Variants in NRG1 observed in about 807,000 individuals in gnomAD.
NRG1 encodes the protein pro-neuregulin-1, membrane-bound isoform.
In NRG1, 18 loss-of-function variants were observed where a neutral mutation model predicts 63.8. That is an observed-to-expected ratio of 0.28 (90% confidence interval 0.19 to 0.42). The LOEUF is 0.42. Ranked by LOEUF, NRG1 falls within the 10% of genes least tolerant of loss-of-function variation. The probability of loss-of-function intolerance (pLI) is 1.00; values close to 1 mark genes in which losing one functional copy is unlikely to be tolerated. For missense variants in NRG1, 762 were observed against 814.7 expected (o/e 0.94, Z 0.79); for synonymous variants, 302 against 301.3 (o/e 1.00, Z -0.02).
At chr8:31,681,621 G>C (rs997077508) in intron 1 of NRG1, among the ~76,000 whole-genome samples, 2 of 151,464 alleles carry the variant, frequency 1.3e-5, no homozygotes. Flanking sequence ...ACAAGTTTAA[G>C]ATACCTTAAA....
intron 1 of NRG1, chr8:32,030,504 C>G (rs1323195314): frequency 1.3e-5 from 2 of 152,182 alleles, no homozygotes; most frequent in South Asian, 2.1e-4. Flanking sequence ...CTTTTCAACT[C>G]TATCCCTTTC....
chr8:32,217,186 C>T (rs1178224904), intron 1 of NRG1, among the ~76,000 whole-genome samples: 1 of 137,458 alleles, frequency 7.3e-6, no homozygotes, highest in Non-Finnish European at 1.5e-5. Flanking sequence ...GAAACCCCAG[C>T]CTGGGTAAGA....
chr8:32,053,670 T>C (rs1173233623), intron 1 of NRG1, among the ~76,000 whole-genome samples: 4 of 152,154 alleles, frequency 2.6e-5, no homozygotes, highest in African/African-American at 9.7e-5. Context: ...AAAGGTGAAT[T>C]GCAAAGGGCT....
At chr8:31,992,921 A>G (rs1048081594) in intron 1 of NRG1, among the ~76,000 whole-genome samples, 13 of 151,992 alleles carry the variant, frequency 8.6e-5, no homozygotes, top group Non-Finnish European at 1.8e-4. Context: ...AAAAAATAAT[A>G]ATAACAAGTT....
intron 1 of NRG1, among the ~76,000 whole-genome samples, chr8:31,922,076 T>G (rs1833966939): frequency 6.6e-6 from 1 of 152,226 alleles, no homozygotes; most frequent in African/African-American, 2.4e-5. Context: ...GGAATTTCAG[T>G]GCTGATTTTA....
At position 32,062,869 on chromosome 8, in the gene NRG1, G is replaced by A. The variant is rs1458338227; in HGVS notation, c.37+423438G>A. On this transcript the variant is annotated intron_variant, in intron 1 of 10. Coordinates refer to the NRG1 transcript ENST00000519301. ...ATGTATTCTCTTTTGGTAACCCACA[G>A]GGGTTGAAATTGCTCTAATTTTTGG... Among the ~76,000 whole-genome samples, 8 of 152,002 alleles carry A rather than the reference G, an allele frequency of 5.3e-5. 1 individual carries two copies. In the East Asian group the frequency reaches 1.5e-3, roughly 29 times the overall value.
chr8:32,325,904 G>A (rs1801940044), intron 1 of NRG1, among the ~76,000 whole-genome samples: 1 of 152,082 alleles, frequency 6.6e-6, no homozygotes. Context: ...TCGTAACTAG[G>A]GAGCTGAGCA....
chr8:31,756,767 T>C (rs1208927197), intron 1 of NRG1, among the ~76,000 whole-genome samples: 1 of 152,154 alleles, frequency 6.6e-6, no homozygotes, highest in African/African-American at 2.4e-5. Flanking sequence ...CTGGTGCCCA[T>C]ATATAGTTAA....
At chr8:31,935,700 G>C (rs934820846) in intron 1 of NRG1, among the ~76,000 whole-genome samples, 2 of 152,202 alleles carry the variant, frequency 1.3e-5, no homozygotes, top group African/African-American at 4.8e-5. Flanking sequence ...CTGTGACTCT[G>C]TCTCCAAGAA....
intron 1 of NRG1, among the ~76,000 whole-genome samples, chr8:31,752,285 G>A (rs1816555488): frequency 6.6e-6 from 1 of 152,194 alleles, no homozygotes; most frequent in East Asian, 1.9e-4. Context: ...TCAAAGACCA[G>A]CAAGAAGAAC....
At chr8:32,082,082 T>C (rs983432997) in intron 1 of NRG1, among the ~76,000 whole-genome samples, 15 of 152,046 alleles carry the variant, frequency 9.9e-5, no homozygotes, top group African/African-American at 3.6e-4. Flanking sequence ...CTAATTAAGA[T>C]CTTGTTGAAG....
intron 5 of NRG1, chr8:32,646,651 G>C: frequency 1.0e-6 from 1 of 978,446 alleles, no homozygotes; most frequent in Non-Finnish European, 1.2e-6. Flanking sequence ...AGCTGGCAAG[G>C]TGGGGGTGGA....
At chr8:32,408,470 A>G (rs1237183251) in intron 1 of NRG1, among the ~76,000 whole-genome samples, 1 of 152,122 alleles carries the variant, frequency 6.6e-6, no homozygotes, top group African/African-American at 2.4e-5. Context: ...TAGTGCCCTG[A>G]AGCTCTCTAG....
At chr8:32,255,482 T>C (rs1418251505) in intron 1 of NRG1, among the ~76,000 whole-genome samples, 1 of 152,214 alleles carries the variant, frequency 6.6e-6, no homozygotes, top group Non-Finnish European at 1.5e-5. Flanking sequence ...TAATTCTGGG[T>C]TGAAAATTCT....
chr8:31,763,346 T>G (rs1411486345), intron 1 of NRG1, among the ~76,000 whole-genome samples: 1 of 152,234 alleles, frequency 6.6e-6, no homozygotes, highest in Admixed American at 6.5e-5. Context: ...CTACATTTAG[T>G]TAGATGAAAA....
At chr8:32,654,030 A>G (rs188180726) in intron 5 of NRG1, among the ~76,000 whole-genome samples, 28 of 152,204 alleles carry the variant, frequency 1.8e-4, no homozygotes, top group East Asian at 1.2e-3. Flanking sequence ...TTATAATCAT[A>G]GAATTTTATA....
chr8:31,981,998 A>C (rs1370506602), intron 1 of NRG1, among the ~76,000 whole-genome samples: 1 of 151,918 alleles, frequency 6.6e-6, no homozygotes, highest in Non-Finnish European at 1.5e-5. Context: ...ATGGAACAAC[A>C]TGTATAAATA....
chr8:31,735,446 A>T (rs1033790123), intron 1 of NRG1, among the ~76,000 whole-genome samples: 6 of 152,132 alleles, frequency 3.9e-5, no homozygotes, highest in African/African-American at 1.4e-4. Flanking sequence ...AGTAATTTAA[A>T]TTTCTATTTT....
intron 1 of NRG1, among the ~76,000 whole-genome samples, chr8:32,464,416 C>T (rs1822798150): frequency 1.3e-5 from 2 of 151,824 alleles, no homozygotes; most frequent in Admixed American, 1.3e-4. Flanking sequence ...AGCACTCTTC[C>T]ACATAGTCAC....
Sources: gnomAD v4.1 joint callset for allele counts (sites outside exome capture counted in the v4.1 genomes callset) on GRCh38, gnomAD v4.1.1 for gene constraint, MANE v1.5 for transcripts, NCBI Gene and HGNC (gene_info 2026-07-23, HGNC 2026-07-21) for gene names.